The following SULF1 variants were observed in gnomAD, a reference collection of about 807,000 sequenced individuals.
SULF1 encodes the protein extracellular sulfatase Sulf-1.
In SULF1, 46 loss-of-function variants were observed where a neutral mutation model predicts 110.5. That is an observed-to-expected ratio of 0.42 (90% confidence interval 0.33 to 0.53). The LOEUF is 0.53. Ranked by LOEUF, SULF1 falls within the 20% of genes least tolerant of loss-of-function variation. The probability of loss-of-function intolerance (pLI) is 0.12; values close to 1 mark genes in which losing one functional copy is unlikely to be tolerated. For synonymous variants in SULF1, 371 were observed against 387.1 expected (o/e 0.96, Z 0.49); for missense variants, 941 against 1,094.2 (o/e 0.86, Z 1.98).
chr8:69,655,956 T>G (rs986722473), intron 22 of SULF1, among the ~76,000 whole-genome samples: 17 of 152,222 alleles, frequency 1.1e-4, no homozygotes, highest in African/African-American at 3.4e-4. Flanking sequence ...ACCCTCTATA[T>G]TTTTGCTTCC....
intron 1 of SULF1, among the ~76,000 whole-genome samples, chr8:69,480,448 T>C (rs1206156646): frequency 6.6e-6 from 1 of 152,224 alleles, no homozygotes; most frequent in African/African-American, 2.4e-5. Flanking sequence ...CCTATTGCAT[T>C]AGAACAGTTG....
At chr8:69,615,234 G>T (rs922094602) in intron 13 of SULF1, among the ~76,000 whole-genome samples, 1 of 152,096 alleles carries the variant, frequency 6.6e-6, no homozygotes, top group Non-Finnish European at 1.5e-5. Context: ...TATTTAAATG[G>T]CTTGCTTCAT....
At chr8:69,625,099 A>G (rs983998462) in intron 15 of SULF1, among the ~76,000 whole-genome samples, 2 of 152,208 alleles carry the variant, frequency 1.3e-5, no homozygotes, top group South Asian at 2.1e-4. Context: ...CTGTTTGTTT[A>G]CTTCAAAACT....
At chr8:69,646,631 A>G (rs1224639069) in intron 22 of SULF1, among the ~76,000 whole-genome samples, 1 of 152,048 alleles carries the variant, frequency 6.6e-6, no homozygotes, top group African/African-American at 2.4e-5. Context: ...TAAGCCACAG[A>G]GTGACTAAAT....
intron 3 of SULF1, among the ~76,000 whole-genome samples, chr8:69,520,813 T>A (rs1297158272): frequency 2.0e-5 from 3 of 152,186 alleles, no homozygotes; most frequent in Non-Finnish European, 2.9e-5. Flanking sequence ...TCTCTTTCAG[T>A]GAGAGCCAGG....
intron 3 of SULF1, among the ~76,000 whole-genome samples, chr8:69,540,920 A>G (rs1384580827): frequency 6.7e-6 from 1 of 148,392 alleles, no homozygotes; most frequent in East Asian, 2.0e-4. Flanking sequence ...TGTTAACTTC[A>G]CTCTAAACTA....
chr8:69,469,967 G>A (rs752221260), intron 1 of SULF1, among the ~76,000 whole-genome samples: 12 of 152,108 alleles, frequency 7.9e-5, no homozygotes, highest in East Asian at 3.9e-4. Flanking sequence ...GCTTGAACCC[G>A]AAAGGCGGAG....
At chr8:69,535,234 TGCTCCA>T (rs1359114666) in intron 3 of SULF1, among the ~76,000 whole-genome samples, 1 of 152,222 alleles carries the variant, frequency 6.6e-6, no homozygotes, top group Non-Finnish European at 1.5e-5. Flanking sequence ...ACAATGTGGC[TGCTCCA>T]GCTCCAGCTT....
At chr8:69,578,544 G>A (rs1484275348) in intron 6 of SULF1, among the ~76,000 whole-genome samples, 1 of 125,260 alleles carries the variant, frequency 8.0e-6, no homozygotes, top group Non-Finnish European at 1.6e-5. Flanking sequence ...AATGGGAAGA[G>A]CCGGCACCGG....
intron 3 of SULF1, among the ~76,000 whole-genome samples, chr8:69,508,063 A>G (rs1447286712): frequency 2.0e-5 from 3 of 152,178 alleles, no homozygotes; most frequent in Admixed American, 2.0e-4. Context: ...TTATTTTTAA[A>G]AAGAAGGTAA....
intron 3 of SULF1, among the ~76,000 whole-genome samples, chr8:69,551,130 G>C (rs756685113): frequency 6.6e-6 from 1 of 152,240 alleles, no homozygotes; most frequent in Non-Finnish European, 1.5e-5. Flanking sequence ...AGATACGGCT[G>C]AACAGAATTG....
intron 3 of SULF1, among the ~76,000 whole-genome samples, chr8:69,522,400 C>T (rs938465440): frequency 6.6e-6 from 1 of 152,122 alleles, no homozygotes; most frequent in African/African-American, 2.4e-5. Context: ...CTGCCATCAA[C>T]AGAGATTAGA....
At position 69,640,844 on chromosome 8, in the gene SULF1, A is replaced by T. The variant is rs1586617181; in HGVS notation, c.2585+3A>T. On this transcript the variant is annotated splice_donor_region_variant and intron_variant, in intron 22 of 22. Coordinates refer to ENST00000402687, the MANE Select transcript of SULF1 (RefSeq NM_001128205.2). ...GGAGGAAGCTATGACCTACACAGGT[A>T]TTCACACTTTTTTATTCTTCTCAAC... 6.2e-7 allele frequency: 1 copy of T among 1,609,548 alleles called. No individual in the cohort carries two copies. The highest frequency in any genetic ancestry group is 8.5e-7 in the Non-Finnish European group (1 of 1,178,268).
chr8:69,554,978 CAAAAAAAAAA>C (rs141225696), intron 3 of SULF1, among the ~76,000 whole-genome samples: 2 of 63,494 alleles, frequency 3.1e-5, no homozygotes, highest in Admixed American at 1.8e-4. Flanking sequence ...GATTCCATCT[CAAAAAAAAAA>C]AAAAAAAAAA....
chr8:69,568,416 T>A (rs1371050197), intron 5 of SULF1, among the ~76,000 whole-genome samples: 1 of 152,170 alleles, frequency 6.6e-6, no homozygotes, highest in East Asian at 1.9e-4. Flanking sequence ...TCAGGACAAA[T>A]AAACTATTAC....
intron 6 of SULF1, among the ~76,000 whole-genome samples, chr8:69,583,633 A>G (rs182320163): frequency 1.3e-5 from 2 of 152,306 alleles, no homozygotes; most frequent in Non-Finnish European, 2.9e-5. Context: ...TAGACCTCGT[A>G]AAGTCCCCAG....
intron 3 of SULF1, among the ~76,000 whole-genome samples, chr8:69,529,780 T>A (rs929739617): frequency 6.6e-6 from 1 of 152,184 alleles, no homozygotes. Context: ...CCTCACCACA[T>A]GCATGGAAAC....
intron 13 of SULF1, among the ~76,000 whole-genome samples, chr8:69,606,147 C>T: frequency 6.6e-6 from 1 of 152,182 alleles, no homozygotes; most frequent in East Asian, 1.9e-4. Context: ...GTTGAATAGA[C>T]ATTCCTAATA....
In SULF1 at chr8:69,495,859, C is replaced by T. The variant is rs1810311652; in HGVS notation, c.-296C>T. The T allele has an allele frequency of 6.6e-6, 1 of 152,228 alleles. No individual in the cohort carries two copies. The highest frequency in any genetic ancestry group is 6.5e-5 in the Admixed American group (1 of 15,288). The allele number at this position is 152,228 out of a possible 1,614,324, so 9.4% of individuals were successfully genotyped here. A position where few individuals can be genotyped will look rare whatever the true frequency, so the allele number is the denominator to read the frequency against. Reference sequence around the variant, plus strand: ...GTCATTATTTAGTCTACAATAAGTTCATCCTTCTTCAGTGTGACCAGTAAA... The same window carrying T: ...GTCATTATTTAGTCTACAATAAGTTTATCCTTCTTCAGTGTGACCAGTAAA... On this transcript the variant is annotated 5_prime_UTR_variant, in exon 2 of 23. Coordinates refer to ENST00000402687, the MANE Select transcript of SULF1 (RefSeq NM_001128205.2).
Sources: allele counts gnomAD v4.1 joint callset (sites outside exome capture counted in the v4.1 genomes callset), GRCh38; gene constraint gnomAD v4.1.1; transcripts MANE v1.5; gene names NCBI Gene and HGNC (gene_info 2026-07-23, HGNC 2026-07-21).